Variants in PLB1 observed in about 807,000 individuals in gnomAD.
PLB1 encodes the protein phospholipase B1.
Under a neutral mutation model 227.4 loss-of-function variants are expected in PLB1, and 242 were observed. The observed-to-expected ratio is 1.06, with a 90% CI of 0.96 to 1.18. The LOEUF is 1.18. Ranked by LOEUF, PLB1 falls within the 50% of genes most tolerant of loss-of-function variation. PLB1 has a pLI of 0.00. For missense variants in PLB1, 1,858 were observed against 1,816.3 expected (o/e 1.02, Z -0.42); for synonymous variants, 757 against 682.2 (o/e 1.11, Z -1.71).
At chr2:28,552,216 A>G (rs1025925367) in intron 16 of PLB1, among the ~76,000 whole-genome samples, 1 of 152,230 alleles carries the variant, frequency 6.6e-6, no homozygotes, top group African/African-American at 2.4e-5. Context: ...AAGGATACCC[A>G]CGACCTCAGT....
chr2:28,580,409 G>A (rs1679726151), intron 23 of PLB1, among the ~76,000 whole-genome samples: 2 of 152,226 alleles, frequency 1.3e-5, no homozygotes, highest in Admixed American at 6.5e-5. Context: ...GATACACACA[G>A]AAGAGAGGTC....
chr2:28,558,740 A>G (rs374516935), intron 17 of PLB1, among the ~76,000 whole-genome samples: 175 of 152,166 alleles, frequency 1.2e-3, no homozygotes, highest in African/African-American at 3.9e-3. Flanking sequence ...GATTCAAGGC[A>G]TGGCGGTGGG....
At chr2:28,548,976 C>T (rs1673753102) in intron 15 of PLB1, 45 bp downstream of exon 15, 22 of 1,587,416 alleles carry the variant, frequency 1.4e-5, no homozygotes, top group South Asian at 3.3e-5. Flanking sequence ...GAATCGAGGG[C>T]GCAGGTGGGG....
intron 23 of PLB1, among the ~76,000 whole-genome samples, chr2:28,580,629 G>A (rs548491888): frequency 3.9e-5 from 6 of 152,130 alleles, no homozygotes; most frequent in Admixed American, 2.0e-4. Flanking sequence ...CGGAAGAATC[G>A]CTTGAACCCA....
chr2:28,499,257 T>C (rs1285648631), intron 1 of PLB1, among the ~76,000 whole-genome samples: 2 of 152,142 alleles, frequency 1.3e-5, no homozygotes, highest in African/African-American at 4.8e-5. Context: ...TTACTTTTAA[T>C]GCTGTTTAAT....
At position 28,606,558 on chromosome 2, in the gene PLB1, T is replaced by C; in HGVS notation, c.3120T>C (p.Cys1040=). ...TGAGAGCAGAGATGCCCATCACCTG[T>C]CCCACTCAGGTAGTAGGGGAGGACC... is the stretch of plus-strand genomic sequence containing the variant. The part of the protein sequence containing the change: ...LDLRAEMPIT[C]PTQNEPFLRT... Residue 1040 remains cysteine (C), a synonymous_variant, in exon 43 of 58, where the codon TGT becomes TGC. Coordinates refer to ENST00000327757, the MANE Select transcript of PLB1 (RefSeq NM_153021.5). The C allele has an allele frequency of 6.2e-7, 1 of 1,614,088 alleles. No individual in the cohort carries two copies. The highest frequency in any genetic ancestry group is 1.3e-5 in the African/African-American group (1 of 75,044).
chr2:28,606,660 C>T (rs1473523386), intron 43 of PLB1, 93 bp downstream of exon 43: 5 of 1,131,210 alleles, frequency 4.4e-6, no homozygotes, highest in South Asian at 2.5e-5. Context: ...TTCCTCAGTA[C>T]CCATCTTGCC....
At chr2:28,623,762 G>T (rs1687356400) in intron 49 of PLB1, among the ~76,000 whole-genome samples, 1 of 152,120 alleles carries the variant, frequency 6.6e-6, no homozygotes, top group East Asian at 1.9e-4. Context: ...TTTAAACACA[G>T]CTTTATTGAG....
chr2:28,590,178 AC>A, intron 29 of PLB1, 102 bp downstream of exon 29: 1 of 1,009,370 alleles, frequency 9.9e-7, no homozygotes, highest in Non-Finnish European at 1.5e-6. Flanking sequence ...CTGCCCACCC[AC>A]CCCATTTTAT....
At chr2:28,589,033 C>T (rs1573217090) in intron 26 of PLB1, among the ~76,000 whole-genome samples, 1 of 152,002 alleles carries the variant, frequency 6.6e-6, no homozygotes, top group East Asian at 1.9e-4. Context: ...GGCGTGGTGG[C>T]AGGCGCCTGT....
intron 56 of PLB1, among the ~76,000 whole-genome samples, chr2:28,634,195 C>T (rs909288735): frequency 6.6e-6 from 1 of 152,188 alleles, no homozygotes; most frequent in Non-Finnish European, 1.5e-5. Flanking sequence ...CTGCCCACTC[C>T]AAGAACTTCT....
chr2:28,610,256 G>A, intron 43 of PLB1, among the ~76,000 whole-genome samples: 1 of 151,740 alleles, frequency 6.6e-6, no homozygotes, highest in East Asian at 1.9e-4. Context: ...AATGCTCTCT[G>A]TCCCCAAATG....
intron 13 of PLB1, among the ~76,000 whole-genome samples, chr2:28,542,684 C>A (rs1672679166): frequency 6.6e-6 from 1 of 152,190 alleles, no homozygotes. Context: ...CCCGCTCCCC[C>A]AGGACACTGG....
intron 57 of PLB1, among the ~76,000 whole-genome samples, chr2:28,642,392 C>G (rs1690075032): frequency 6.6e-6 from 1 of 152,162 alleles, no homozygotes; most frequent in Admixed American, 6.5e-5. Context: ...ACGATCTGCC[C>G]ACATGCCTCC....
chr2:28,634,138 G>A (rs1176506424), intron 56 of PLB1, among the ~76,000 whole-genome samples: 2 of 152,168 alleles, frequency 1.3e-5, no homozygotes, highest in Admixed American at 6.5e-5. Flanking sequence ...CTCAGCTTAT[G>A]TCGACTTCCA....
chr2:28,497,946 T>C (rs571312753), intron 1 of PLB1, among the ~76,000 whole-genome samples: 1 of 151,648 alleles, frequency 6.6e-6, no homozygotes, highest in African/African-American at 2.4e-5. Context: ...CTCAAACTCC[T>C]AATCTTAAGT....
chr2:28,605,896 A>G lies in PLB1; in HGVS notation c.3005A>G (p.His1002Arg). ...TCCTTCTTTGCCCCAGACTGCATCC[A>G]CCCAAATCAGAAATTCCACTCCCAG... Reference protein sequence around the residue: ...DTSFFAPDCIHPNQKFHSQLA... With the variant: ...DTSFFAPDCIRPNQKFHSQLA... The change falls in exon 42 of 58, where the codon CAC (histidine) becomes CGC (arginine). Residue 1002 changes from histidine (H) to arginine (R), a missense_variant. Physicochemically the swap from His to Arg is conservative, Grantham distance 29. Transcript: ENST00000327757. The G allele has an allele frequency of 6.2e-7, 1 of 1,613,820 alleles. No homozygotes were observed.
chr2:28,562,561 T>TAAAAAAAAAAAAAAAAAAAAAAAA (rs1476459163), intron 17 of PLB1, among the ~76,000 whole-genome samples: 1 of 43,874 alleles, frequency 2.3e-5, no homozygotes, highest in African/African-American at 1.0e-4. Context: ...AAAAAAAAAG[T>TAAAAAAAAAAAAAAAAAAAAAAAA]CAGTGGCATA....
chr2:28,512,542 A>G (rs1021732191), intron 1 of PLB1, among the ~76,000 whole-genome samples: 32 of 152,230 alleles, frequency 2.1e-4, no homozygotes, highest in African/African-American at 6.8e-4. Context: ...TTGATCAAAC[A>G]TAGCAATTCT....
Sources: gnomAD v4.1 joint callset for allele counts (sites outside exome capture counted in the v4.1 genomes callset) on GRCh38, gnomAD v4.1.1 for gene constraint, MANE v1.5 for transcripts, NCBI Gene and HGNC (gene_info 2026-07-23, HGNC 2026-07-21) for gene names.